Variants in SCTR observed in about 807,000 individuals in gnomAD.
SCTR encodes the protein secretin receptor.
SCTR carries 56 observed loss-of-function variants against 60.8 expected under a neutral mutation model. The observed-to-expected ratio is 0.92, with a 90% CI of 0.74 to 1.15. The LOEUF is 1.15. Among genes scored for constraint, SCTR ranks in the 50% most tolerant of loss-of-function variants. The pLI, the probability that SCTR is intolerant of heterozygous loss-of-function variation, is 0.00. For synonymous variants in SCTR, 202 were observed against 217.0 expected (o/e 0.93, Z 0.61); for missense variants, 562 against 550.4 (o/e 1.02, Z -0.21).
intron 1 of SCTR, among the ~76,000 whole-genome samples, chr2:119,500,795 T>C (rs1678517890): frequency 6.6e-6 from 1 of 151,868 alleles, no homozygotes; most frequent in East Asian, 1.9e-4. Flanking sequence ...AGAAGAAATA[T>C]GACTTAGTGT....
intron 12 of SCTR, 123 bp downstream of exon 12, chr2:119,441,435 C>T: frequency 2.6e-6 from 2 of 756,618 alleles, no homozygotes; most frequent in South Asian, 1.6e-5. Flanking sequence ...TGCCACCAGA[C>T]CCAGGACTCC....
chr2:119,489,047 G>C (rs987557714), intron 2 of SCTR, among the ~76,000 whole-genome samples: 5 of 152,198 alleles, frequency 3.3e-5, no homozygotes, highest in Non-Finnish European at 1.5e-5. Flanking sequence ...CAACAGGAAT[G>C]CTGGGTGCCC....
Position 119,461,829 on chromosome 2 carries a change from AC to A in SCTR, c.790+17del. On this transcript the variant is annotated intron_variant, in intron 7 of 12. Coordinates refer to ENST00000019103, the MANE Select transcript of SCTR (RefSeq NM_002980.3). ...TTCCCACATACCATGCAGATATCAG[AC>A]CCAGGGAGAAACATACCCCATCCGA... 1 of 1,604,158 alleles carries A rather than the reference AC, an allele frequency of 6.2e-7. No homozygotes were observed. The highest frequency in any genetic ancestry group is 8.5e-7 in the Non-Finnish European group (1 of 1,174,926).
At position 119,464,239 on chromosome 2, in the gene SCTR, G is replaced by T; in HGVS notation, c.520C>A (p.Arg174Ser). The part of the protein sequence containing the change: ...LCAFRRLHCT[R>S]NYIHMHLFVS... ...AACAGGTGCATGTGGATGTAGTTGC[G>T]AGTGCAGTGGAGCCTCCTGCAGGGA... is the stretch of plus-strand genomic sequence containing the variant. The change falls in exon 6 of 13, where the codon CGC becomes AGC. Residue 174 changes from arginine (R) to serine (S), a missense_variant. By Grantham distance (110) the Arg-to-Ser change is moderately radical. Transcript: ENST00000019103. The T allele has an allele frequency of 6.2e-7, 1 of 1,614,236 alleles. No individual in the cohort carries two copies. The highest frequency in any genetic ancestry group is 8.5e-7 in the Non-Finnish European group (1 of 1,180,038).
intron 1 of SCTR, among the ~76,000 whole-genome samples, chr2:119,516,319 G>A (rs555161753): frequency 2.6e-5 from 4 of 152,262 alleles, no homozygotes; most frequent in South Asian, 2.1e-4. Context: ...AGCAACTTAC[G>A]TGTCTCTCAA....
At position 119,461,925 on chromosome 2, in the gene SCTR, G is replaced by C; in HGVS notation, c.712C>G (p.Leu238Val). ...ATGGCGAGGAGTGTGTGAAGGTAGA[G>C]GCCTTCCACCAGCAGCCAGGAGTAG... The part of the protein sequence containing the change: ...ANYSWLLVEG[L>V]YLHTLLAISF... The change falls in exon 7 of 13, where the codon CTC becomes GTC. Residue 238 changes from leucine to valine, a missense_variant. Physicochemically the swap from Leu to Val is conservative, Grantham distance 32 (BLOSUM62 1). Coordinates refer to ENST00000019103, the MANE Select transcript of SCTR (RefSeq NM_002980.3). The C allele has an allele frequency of 1.9e-6, 3 of 1,613,956 alleles. No homozygotes were observed. The highest frequency in any genetic ancestry group is 2.2e-5 in the South Asian group (2 of 91,038).
intron 1 of SCTR, among the ~76,000 whole-genome samples, chr2:119,507,283 A>G (rs1411849359): frequency 6.6e-6 from 1 of 152,262 alleles, no homozygotes; most frequent in African/African-American, 2.4e-5. Context: ...ACTTATATGT[A>G]CAGTATGATT....
At chr2:119,512,985 T>C (rs1373527887) in intron 1 of SCTR, among the ~76,000 whole-genome samples, 1 of 152,190 alleles carries the variant, frequency 6.6e-6, no homozygotes, top group African/African-American at 2.4e-5. Context: ...CAATGTACGA[T>C]CTAAGCTTGA....
chr2:119,521,912 T>A (rs1573939268), intron 1 of SCTR, among the ~76,000 whole-genome samples: 1 of 152,154 alleles, frequency 6.6e-6, no homozygotes, highest in African/African-American at 2.4e-5. Flanking sequence ...AGATCTAAGG[T>A]CTACAGAAGC....
In SCTR at chr2:119,453,330, C is replaced by T. The variant is rs151244732; in HGVS notation, c.808G>A (p.Val270Ile). The T allele has an allele frequency of 1.5e-4, 247 of 1,613,766 alleles. 2 individuals carry two copies. Among genetic ancestry groups the T allele is most frequent in the Non-Finnish European group, 1.9e-4 (222 of 1,179,770 alleles). ...AFGWGSPAIFVALWAIARHFL... is the reference protein window; with the variant it reads ...AFGWGSPAIFIALWAIARHFL... The stretch of plus-strand genomic sequence containing the variant: ...TGTCTGGCAATAGCCCACAAAGCAA[C>T]AAAAATGGCTGGAGAACCTGAGGAT... Residue 270 changes from valine to isoleucine, a missense_variant, in exon 8 of 13, where the codon GTT (valine) becomes ATT (isoleucine). Coordinates refer to ENST00000019103, the MANE Select transcript of SCTR (RefSeq NM_002980.3).
chr2:119,485,503 C>T (rs1410007722), intron 2 of SCTR, among the ~76,000 whole-genome samples: 1 of 152,200 alleles, frequency 6.6e-6, no homozygotes, highest in Admixed American at 6.5e-5. Context: ...ATCCTCCAGT[C>T]CTCTATTTAT....
At position 119,440,103 on chromosome 2, in the gene SCTR, C is replaced by G; in HGVS notation, c.*14G>C. The G allele has an allele frequency of 6.2e-7, 1 of 1,611,982 alleles. No homozygotes were observed. The highest frequency in any genetic ancestry group is 8.5e-7 in the Non-Finnish European group (1 of 1,178,986). On this transcript the variant is annotated 3_prime_UTR_variant, in exon 13 of 13. Transcript: ENST00000019103. ...CTCTTGGTCTCTGTCCGTGGGTGACCCTGCTCCAGCCTCTCAGATGATGCT... is the reference window on the plus strand; with the variant it reads ...CTCTTGGTCTCTGTCCGTGGGTGACGCTGCTCCAGCCTCTCAGATGATGCT...
intron 1 of SCTR, among the ~76,000 whole-genome samples, chr2:119,519,686 G>A (rs1369874162): frequency 1.3e-5 from 2 of 151,604 alleles, no homozygotes; most frequent in African/African-American, 4.8e-5. Flanking sequence ...CATGCCTGTA[G>A]TCCCAGCTAC....
chr2:119,454,575 C>T lies in SCTR; in HGVS notation c.791-1228G>A, dbSNP rs1558840410. Reference sequence around the variant, plus strand: ...CAAATAAAAGGACGTAAAACATGGCCAGACGCGGTGGTTCATGCCTGTAAT... The same window carrying T: ...CAAATAAAAGGACGTAAAACATGGCTAGACGCGGTGGTTCATGCCTGTAAT... On this transcript the variant is annotated intron_variant, in intron 7 of 12. Coordinates refer to ENST00000019103, the MANE Select transcript of SCTR (RefSeq NM_002980.3). Among the ~76,000 whole-genome samples the T allele has an allele frequency of 5.9e-5, 9 of 152,262 alleles. 1 individual carries two copies. The South Asian group carries it at 1.9e-3, about 32-fold the overall frequency.
chr2:119,448,967 T>A (rs1329832165), intron 9 of SCTR, among the ~76,000 whole-genome samples, 187 bp from the exon 10 acceptor site: 3 of 151,926 alleles, frequency 2.0e-5, no homozygotes, highest in Non-Finnish European at 4.4e-5. Context: ...CTGTCTAGAG[T>A]CCATGGCTGG....
chr2:119,506,508 G>T (rs974296313), intron 1 of SCTR, among the ~76,000 whole-genome samples: 1 of 151,078 alleles, frequency 6.6e-6, no homozygotes, highest in African/African-American at 2.4e-5. Context: ...TAGAGACAGG[G>T]TCTCGCTCAG....
At chr2:119,446,383 A>G (rs1022971276) in intron 11 of SCTR, among the ~76,000 whole-genome samples, 11 of 151,940 alleles carry the variant, frequency 7.2e-5, no homozygotes, top group African/African-American at 2.7e-4. Context: ...TCTCTTCCAA[A>G]CACCCGCCCC....
chr2:119,449,975 GGGAA>G (rs66849843), intron 9 of SCTR, among the ~76,000 whole-genome samples: 76,905 of 118,832 alleles, frequency 0.65, 25,174 homozygotes, highest in Non-Finnish European at 0.69. Context: ...GAGGGAGGGA[GGGAA>G]GGAAGGAAGG....
chr2:119,461,955 C>A lies in SCTR; in HGVS notation c.682G>T (p.Ala228Ser). 1.2e-6 allele frequency: 2 copies of A among 1,613,812 alleles called. No individual in the cohort carries two copies. Among genetic ancestry groups the A allele is most frequent in the East Asian group, 4.5e-5 (2 of 44,858 alleles). Reference protein sequence around the residue: ...VMVLFQYCIMANYSWLLVEGL... With the variant: ...VMVLFQYCIMSNYSWLLVEGL... ...TCCACCAGCAGCCAGGAGTAGTTGG[C>A]CATGATGCAGTACTGGAACAGCACC... is the stretch of plus-strand genomic sequence containing the variant. Residue 228 changes from alanine (A) to serine (S), a missense_variant, in exon 7 of 13, where the codon GCC becomes TCC. Physicochemically the swap from Ala to Ser is moderately conservative, Grantham distance 99. Coordinates refer to ENST00000019103, the MANE Select transcript of SCTR (RefSeq NM_002980.3).
Sources: allele counts gnomAD v4.1 joint callset (sites outside exome capture counted in the v4.1 genomes callset), GRCh38; gene constraint gnomAD v4.1.1; transcripts MANE v1.5; gene names NCBI Gene and HGNC (gene_info 2026-07-23, HGNC 2026-07-21).